The following MSRA variants were observed in gnomAD, a reference collection of about 807,000 sequenced individuals.
MSRA encodes the protein methionine sulfoxide reductase A.
Under a neutral mutation model 31.3 loss-of-function variants are expected in MSRA, and 54 were observed. The observed-to-expected ratio is 1.73, with a 90% CI of 1.39 to 2.17. The LOEUF (loss-of-function observed/expected upper bound fraction) is 2.17. Ranked by LOEUF, MSRA falls within the 30% of genes most tolerant of loss-of-function variation. The pLI, the probability that MSRA is intolerant of heterozygous loss-of-function variation, is 0.00. For synonymous variants in MSRA, 169 were observed against 116.5 expected (o/e 1.45, Z -2.90); for missense variants, 507 against 300.9 (o/e 1.69, Z -5.07).
intron 5 of MSRA, among the ~76,000 whole-genome samples, chr8:10,398,320 T>G (rs1243450437): frequency 6.6e-6 from 1 of 152,202 alleles, no homozygotes; most frequent in Non-Finnish European, 1.5e-5. Flanking sequence ...GATTCTGCCT[T>G]TATGTAATTC....
At chr8:10,342,973 T>A (rs1382028170) in intron 5 of MSRA, among the ~76,000 whole-genome samples, 1 of 149,072 alleles carries the variant, frequency 6.7e-6, no homozygotes, top group Non-Finnish European at 1.5e-5. Context: ...GCTGGGAAAA[T>A]TAAATGAGAT....
At chr8:10,427,213 G>A (rs562242600) in intron 5 of MSRA, among the ~76,000 whole-genome samples, 21 of 152,194 alleles carry the variant, frequency 1.4e-4, no homozygotes, top group Non-Finnish European at 2.6e-4. Context: ...CAGTGAGAGT[G>A]GGTTGAGCCT....
intron 1 of MSRA, among the ~76,000 whole-genome samples, chr8:10,152,152 T>G (rs1803735010): frequency 6.6e-6 from 1 of 152,186 alleles, no homozygotes; most frequent in Non-Finnish European, 1.5e-5. Context: ...AAAATCCCCT[T>G]GAAAAATCAG....
At chr8:10,231,543 C>G (rs1811474583) in intron 2 of MSRA, among the ~76,000 whole-genome samples, 1 of 152,156 alleles carries the variant, frequency 6.6e-6, no homozygotes, top group Non-Finnish European at 1.5e-5. Flanking sequence ...GGTTTGACAT[C>G]TCGATTTAAG....
At chr8:10,056,813 C>A (rs1380221480) in intron 1 of MSRA, among the ~76,000 whole-genome samples, 1 of 152,118 alleles carries the variant, frequency 6.6e-6, no homozygotes, top group East Asian at 1.9e-4. Flanking sequence ...AACAACTCCT[C>A]CCTTCTCTAT....
At position 10,378,112 on chromosome 8, in the gene MSRA, C is replaced by T. The variant is rs575385749; in HGVS notation, c.544-50036C>T. On this transcript the variant is annotated intron_variant, in intron 5 of 5. Transcript: ENST00000317173. ...TCTGTGGACTCCTGAGGGCACAGGG[C>T]GGAAGCAGGGAGAAAGGGCTGTGGA... Among the ~76,000 whole-genome samples, 7 of 152,304 alleles carry T rather than the reference C, an allele frequency of 4.6e-5. No individual in the cohort carries two copies. The South Asian group carries it at 1.0e-3, about 23-fold the overall frequency.
chr8:10,060,260 A>C (rs1217007583), intron 1 of MSRA, among the ~76,000 whole-genome samples: 1 of 152,212 alleles, frequency 6.6e-6, no homozygotes, highest in African/African-American at 2.4e-5. Context: ...TCATTGTCAC[A>C]ATGGATATGC....
At chr8:10,240,218 G>A (rs1812289258) in intron 2 of MSRA, among the ~76,000 whole-genome samples, 1 of 152,206 alleles carries the variant, frequency 6.6e-6, no homozygotes, top group African/African-American at 2.4e-5. Context: ...CCACCTTATG[G>A]TGGGTTGGTC....
chr8:10,147,225 T>A (rs1403239606), intron 1 of MSRA, among the ~76,000 whole-genome samples: 1 of 152,056 alleles, frequency 6.6e-6, no homozygotes, highest in Non-Finnish European at 1.5e-5. Context: ...CTGGAGGATG[T>A]GACATGCTCA....
intron 5 of MSRA, among the ~76,000 whole-genome samples, chr8:10,323,880 C>T (rs1802207305): frequency 2.0e-5 from 3 of 152,092 alleles, no homozygotes; most frequent in Admixed American, 2.0e-4. Context: ...CCTTTAGTAT[C>T]CCGATAGCCA....
chr8:10,362,185 G>T (rs1215558046), intron 5 of MSRA, among the ~76,000 whole-genome samples: 1 of 152,126 alleles, frequency 6.6e-6, no homozygotes. Flanking sequence ...CCACTGAGTT[G>T]CAGCAGTATT....
intron 1 of MSRA, among the ~76,000 whole-genome samples, chr8:10,064,955 G>C (rs1797386608): frequency 6.6e-6 from 1 of 152,146 alleles, no homozygotes; most frequent in East Asian, 1.9e-4. Context: ...ATGCACTGTT[G>C]TTAGCAGTTG....
chr8:10,218,750 C>T (rs1197478841), intron 2 of MSRA, among the ~76,000 whole-genome samples: 1 of 152,194 alleles, frequency 6.6e-6, no homozygotes, highest in Non-Finnish European at 1.5e-5. Flanking sequence ...AGTCAAAAGC[C>T]ATTTAACAAG....
chr8:10,106,621 T>A (rs1799900233), intron 1 of MSRA, among the ~76,000 whole-genome samples: 1 of 152,226 alleles, frequency 6.6e-6, no homozygotes, highest in Admixed American at 6.5e-5. Flanking sequence ...GTGAAGTGCC[T>A]GGGCTTGTTA....
chr8:10,359,567 C>T (rs1049852202), intron 5 of MSRA, among the ~76,000 whole-genome samples: 2 of 152,182 alleles, frequency 1.3e-5, no homozygotes, highest in East Asian at 1.9e-4. Context: ...CTTCCTCCTT[C>T]TCCTCCTCTT....
At chr8:10,136,949 A>G (rs796577495) in intron 1 of MSRA, among the ~76,000 whole-genome samples, 2 of 152,296 alleles carry the variant, frequency 1.3e-5, no homozygotes, top group African/African-American at 2.4e-5. Context: ...ACACCTCTCT[A>G]GTCATTGTCG....
At chr8:10,261,154 G>A (rs1052372472) in intron 3 of MSRA, among the ~76,000 whole-genome samples, 4 of 152,100 alleles carry the variant, frequency 2.6e-5, no homozygotes, top group Non-Finnish European at 5.9e-5. Context: ...AGTCTGCTGT[G>A]ATGGTATTGA....
chr8:10,170,366 G>A (rs954467875), intron 1 of MSRA, among the ~76,000 whole-genome samples: 7 of 152,102 alleles, frequency 4.6e-5, no homozygotes, highest in Admixed American at 1.3e-4. Flanking sequence ...GCTGCCTTGC[G>A]CCTTCTGTGA....
At position 10,063,214 on chromosome 8, in the gene MSRA, C is replaced by G. The variant is rs574394869; in HGVS notation, c.142+8556C>G. The stretch of plus-strand genomic sequence containing the variant: ...AGTCAGGGTCATCTTTGAGCCTTAC[C>G]TCTACATTTGAGTTGTCCTTCCTCC... On this transcript the variant is annotated intron_variant, in intron 1 of 5. Coordinates refer to ENST00000317173, the MANE Select transcript of MSRA (RefSeq NM_012331.5). Among the ~76,000 whole-genome samples the G allele has an allele frequency of 5.3e-5, 8 of 152,324 alleles. No homozygotes were observed. The East Asian group carries it at 9.6e-4, about 18-fold the overall frequency.
Sources: gnomAD v4.1 joint callset for allele counts (sites outside exome capture counted in the v4.1 genomes callset) on GRCh38, gnomAD v4.1.1 for gene constraint, MANE v1.5 for transcripts, NCBI Gene and HGNC (gene_info 2026-07-23, HGNC 2026-07-21) for gene names.